TMED3: variants seen among roughly 807,000 people sequenced by gnomAD.
The protein encoded by TMED3 is transmembrane emp24 domain-containing protein 3.
Under a neutral mutation model 15.0 loss-of-function variants are expected in TMED3, and 9 were observed. The observed-to-expected ratio is 0.60, with a 90% CI of 0.36 to 1.04. The LOEUF (loss-of-function observed/expected upper bound fraction) is 1.04. TMED3 is among the 50% of genes least tolerant of loss of function. The pLI is 0.01. For missense variants in TMED3, 267 were observed against 278.9 expected (o/e 0.96, Z 0.30); for synonymous variants, 117 against 121.4 (o/e 0.96, Z 0.24).
At chr15:79,383,125 C>A in intron 2 of TMED3, 1 of 1,096,600 alleles carries the variant, frequency 9.1e-7, no homozygotes, top group Non-Finnish European at 1.3e-6. Flanking sequence ...AGCTTTACTG[C>A]CATGGTGCAC....
chr15:79,344,009 T>C (rs1367497338), intron 2 of TMED3, among the ~76,000 whole-genome samples: 3 of 152,110 alleles, frequency 2.0e-5, no homozygotes, highest in African/African-American at 7.2e-5. Context: ...AACTTTGAGA[T>C]TCCATAAATA....
rs868581631 is a variant in TMED3, at chr15:79,352,673, A to T, written c.417+38668A>T. 6.3e-3 allele frequency among the ~76,000 whole-genome samples: 887 copies of T among 141,742 alleles called. 9 individuals are homozygous for T. The highest frequency in any genetic ancestry group is 0.054 in the East Asian group (267 of 4,950). 93.0% of individuals were successfully genotyped at this position (141,742 alleles called of 152,430 possible). ...CAAGGTCATTAACTAAGAAAAAAAA[A>T]ATATATATATATATGTAACTGAATA... On this transcript the variant is annotated intron_variant, in intron 2 of 2. Coordinates refer to the TMED3 transcript ENST00000424155.
At chr15:79,382,263 CTT>C (rs1016633515) in intron 2 of TMED3, among the ~76,000 whole-genome samples, 1 of 152,162 alleles carries the variant, frequency 6.6e-6, no homozygotes, top group Non-Finnish European at 1.5e-5. Context: ...AGTTTTGACT[CTT>C]TACTGAGGAA....
intron 2 of TMED3, among the ~76,000 whole-genome samples, chr15:79,328,165 T>A (rs2058794003): frequency 6.6e-6 from 1 of 152,220 alleles, no homozygotes; most frequent in Non-Finnish European, 1.5e-5. Context: ...GGTAACTGTA[T>A]TCATCGCAAA....
chr15:79,386,568 G>T (rs1205133621), intron 2 of TMED3, among the ~76,000 whole-genome samples: 1 of 152,058 alleles, frequency 6.6e-6, no homozygotes, highest in Non-Finnish European at 1.5e-5. Flanking sequence ...TCAAGATGGA[G>T]TCTCACTGTT....
At chr15:79,402,723 T>A (rs1207262012) in intron 2 of TMED3, among the ~76,000 whole-genome samples, 1 of 151,064 alleles carries the variant, frequency 6.6e-6, no homozygotes, top group Non-Finnish European at 1.5e-5. Flanking sequence ...GAGGTGGAAG[T>A]TGCAGTGAGC....
At chr15:79,371,865 T>C (rs1276800830) in intron 2 of TMED3, among the ~76,000 whole-genome samples, 2 of 152,188 alleles carry the variant, frequency 1.3e-5, no homozygotes, top group African/African-American at 2.4e-5. Flanking sequence ...AAAAACAAGA[T>C]AGGCAGTGGC....
At chr15:79,327,438 T>G (rs1373407760), downstream of TMED3, among the ~76,000 whole-genome samples, 1 of 152,246 alleles carries the variant, frequency 6.6e-6, no homozygotes, top group African/African-American at 2.4e-5. Flanking sequence ...CAGGGATGAT[T>G]AGAACAAAAC....
chr15:79,338,384 G>C (rs2058834892), intron 2 of TMED3, among the ~76,000 whole-genome samples: 1 of 152,164 alleles, frequency 6.6e-6, no homozygotes. Flanking sequence ...AAAGTAAATA[G>C]AAGGATGGTA....
At chr15:79,409,430 T>C (rs534996458) in intron 2 of TMED3, among the ~76,000 whole-genome samples, 3 of 152,168 alleles carry the variant, frequency 2.0e-5, no homozygotes, top group African/African-American at 7.2e-5. Flanking sequence ...CAAGAGGTAA[T>C]GATTGGAGGT....
At chr15:79,325,889 C>T (rs994111792), downstream of TMED3, among the ~76,000 whole-genome samples, 10 of 152,160 alleles carry the variant, frequency 6.6e-5, no homozygotes, top group African/African-American at 2.4e-4. Flanking sequence ...CTTCCACTTG[C>T]TTTGTTCTAG....
intron 2 of TMED3, among the ~76,000 whole-genome samples, chr15:79,409,576 A>G (rs1441907909): frequency 6.6e-6 from 1 of 152,222 alleles, no homozygotes; most frequent in East Asian, 1.9e-4. Flanking sequence ...GTGTAAAATA[A>G]GGTCGTTGGA....
chr15:79,401,623 T>C (rs945159658), intron 2 of TMED3, among the ~76,000 whole-genome samples: 11 of 151,940 alleles, frequency 7.2e-5, no homozygotes, highest in African/African-American at 1.7e-4. Context: ...AGTGCCAAGA[T>C]TGAGAAAACC....
chr15:79,322,444 C>G lies in TMED3; in HGVS notation c.*230C>G. The G allele has an allele frequency of 3.7e-6, 5 of 1,363,996 alleles. No homozygotes were observed. The South Asian group carries it at 9.0e-5, about 25-fold the overall frequency. The allele number at this position is 1,363,996 out of a possible 1,614,324, so 84.5% of individuals were successfully genotyped here. A position where few individuals can be genotyped will look rare whatever the true frequency, so the allele number is the denominator to read the frequency against. ...CATTAAGTGTGCAGCGCTGAAAAGACATTTACAACTAGGCCAGGGATTAGC... is the reference window on the plus strand; with the variant it reads ...CATTAAGTGTGCAGCGCTGAAAAGAGATTTACAACTAGGCCAGGGATTAGC... On this transcript the variant is annotated 3_prime_UTR_variant, in exon 3 of 3. Coordinates refer to ENST00000299705, the MANE Select transcript of TMED3 (RefSeq NM_007364.4).
chr15:79,359,466 G>A (rs1247600825), intron 2 of TMED3, among the ~76,000 whole-genome samples: 1 of 151,964 alleles, frequency 6.6e-6, no homozygotes, highest in African/African-American at 2.4e-5. Context: ...GACCTCAAGT[G>A]ATCTGCCCAC....
intron 2 of TMED3, among the ~76,000 whole-genome samples, chr15:79,340,652 G>A (rs2058848338): frequency 6.6e-6 from 1 of 152,178 alleles, no homozygotes; most frequent in African/African-American, 2.4e-5. Context: ...AATGCAAGGA[G>A]GTTATTTTTC....
At chr15:79,378,361 T>G (rs954684939) in intron 2 of TMED3, among the ~76,000 whole-genome samples, 1 of 152,202 alleles carries the variant, frequency 6.6e-6, no homozygotes, top group Non-Finnish European at 1.5e-5. Context: ...TTTTCCAGTC[T>G]TAGGTGGATG....
At chr15:79,413,068 C>T (rs1208932001) in exon 3 of TMED3, 1 of 152,088 alleles carries the variant, frequency 6.6e-6, no homozygotes. Flanking sequence ...AAAAAACCAT[C>T]CCAAGGACAG....
intron 2 of TMED3, among the ~76,000 whole-genome samples, chr15:79,387,385 T>C (rs1893639430): frequency 6.6e-6 from 1 of 152,182 alleles, no homozygotes. Context: ...TTCTAGACTC[T>C]TTATTTCCAT....
Sources: allele counts gnomAD v4.1 joint callset (sites outside exome capture counted in the v4.1 genomes callset), GRCh38; gene constraint gnomAD v4.1.1; transcripts MANE v1.5; gene names NCBI Gene and HGNC (gene_info 2026-07-23, HGNC 2026-07-21).